The following CTTNBP2 variants were observed in gnomAD, a reference collection of about 807,000 sequenced individuals.
CTTNBP2 encodes the protein cortactin-binding protein 2.
A neutral mutation model predicts 156.9 loss-of-function variants in CTTNBP2; 108 were observed. The ratio of observed to expected loss-of-function variants is 0.69; its 90% confidence interval spans 0.59 to 0.81. The LOEUF is 0.81. CTTNBP2 is among the 30% of genes least tolerant of loss of function. The pLI is 0.00. For missense variants in CTTNBP2, 1,924 were observed against 2,035.4 expected, an observed-to-expected ratio of 0.95 and a Z score of 1.05; for synonymous variants, 767 against 751.8, an observed-to-expected ratio of 1.02 and a Z score of -0.33.
chr7:117,803,877 T>C (rs1291044729), intron 3 of CTTNBP2, among the ~76,000 whole-genome samples: 1 of 152,170 alleles, frequency 6.6e-6, no homozygotes, highest in East Asian at 1.9e-4. Context: ...CAAATCATGA[T>C]ACATGATTTT....
chr7:117,781,158 T>TA (rs932389906), intron 6 of CTTNBP2, among the ~76,000 whole-genome samples: 3 of 152,224 alleles, frequency 2.0e-5, no homozygotes, highest in Non-Finnish European at 4.4e-5. Context: ...AAAAGATAGC[T>TA]AAGCAGAAAC....
At position 117,792,441 on chromosome 7, in the gene CTTNBP2, G is replaced by A; in HGVS notation, c.755C>T (p.Thr252Ile). The A allele has an allele frequency of 1.2e-6, 2 of 1,614,162 alleles. No individual in the cohort carries two copies. Among genetic ancestry groups the A allele is most frequent in the Non-Finnish European group, 1.7e-6 (2 of 1,180,032 alleles). The change falls in exon 4 of 23, where the codon ACC becomes ATC. Residue 252 changes from threonine to isoleucine, a missense_variant. Physicochemically the swap from Thr to Ile is moderately conservative, Grantham distance 89 (BLOSUM62 -1). Transcript: ENST00000160373. The surrounding 1 kb of genome is among the most constrained non-coding windows in gnomAD (Gnocchi z 4.2). ...GTCTATCTCCTCTTTGAGGTCAGTG[G>A]TGTGTGCTTCTTCCCGGTTCAGCTT... The part of the protein sequence containing the change: ...RAKLNREEAH[T>I]TDLKEEIDKM...
At chr7:117,831,278 C>A (rs995112742) in intron 2 of CTTNBP2, among the ~76,000 whole-genome samples, 1 of 152,128 alleles carries the variant, frequency 6.6e-6, no homozygotes, top group Admixed American at 6.5e-5. Flanking sequence ...TTCATCATGA[C>A]TACACAAAGA....
intron 12 of CTTNBP2, among the ~76,000 whole-genome samples, chr7:117,752,765 T>G (rs1361099316): frequency 3.9e-5 from 6 of 152,236 alleles, no homozygotes; most frequent in Non-Finnish European, 8.8e-5. Flanking sequence ...TTTCAACTCC[T>G]TGGGTCCCAC....
At chr7:117,754,108 T>C (rs1022862121) in intron 12 of CTTNBP2, among the ~76,000 whole-genome samples, 1 of 152,180 alleles carries the variant, frequency 6.6e-6, no homozygotes, top group Non-Finnish European at 1.5e-5. Flanking sequence ...TCCTGCATGA[T>C]CTAGTTTCTG....
rs1448318996 is a variant in CTTNBP2 at position 117,741,658 on chromosome 7, C to T, written c.3535+4173G>A. Among the ~76,000 whole-genome samples the T allele has an allele frequency of 2.0e-5, 3 of 152,192 alleles. No homozygotes were observed. The East Asian group carries it at 5.8e-4, about 29-fold the overall frequency. ...TTTGGAGACGACATACCATTTCCTA[C>T]TCTTCCTTCTTTAACCTAGAGTGGA... On this transcript the variant is annotated intron_variant, in intron 14 of 22. Coordinates refer to ENST00000160373, the MANE Select transcript of CTTNBP2 (RefSeq NM_033427.3).
rs78411596 is a variant in CTTNBP2, at chr7:117,721,530, C to A, written c.4448-400G>T. On this transcript the variant is annotated intron_variant, in intron 19 of 22. Transcript: ENST00000160373. Reference sequence around the variant, plus strand: ...TTTGATGATGGTAATCACCCTTTCTCTACCTTTGTGTGCATTCTAACACTA... The same window carrying A: ...TTTGATGATGGTAATCACCCTTTCTATACCTTTGTGTGCATTCTAACACTA... Among the ~76,000 whole-genome samples the A allele has an allele frequency of 7.2e-3, 1,099 of 152,338 alleles. 24 individuals are homozygous for A. The South Asian group carries it at 0.091, about 13-fold the overall frequency.
intron 9 of CTTNBP2, among the ~76,000 whole-genome samples, chr7:117,761,772 GTA>G (rs928759894): frequency 6.6e-6 from 1 of 152,088 alleles, no homozygotes; most frequent in Non-Finnish European, 1.5e-5. Flanking sequence ...TCAAACAAGA[GTA>G]TGTGAAATTT....
intron 22 of CTTNBP2, chr7:117,712,489 C>T (rs1408684806): frequency 6.6e-6 from 1 of 152,192 alleles, no homozygotes; most frequent in African/African-American, 2.4e-5. Flanking sequence ...GGTATTTTCC[C>T]TATATTGCAT....
intron 2 of CTTNBP2, among the ~76,000 whole-genome samples, chr7:117,842,200 C>T (rs1428279160): frequency 6.6e-6 from 1 of 152,038 alleles, no homozygotes; most frequent in Non-Finnish European, 1.5e-5. Context: ...AAAACTGCTC[C>T]GAAAAAGTCT....
chr7:117,757,206 T>C (rs1250797171), intron 11 of CTTNBP2, among the ~76,000 whole-genome samples: 3 of 152,192 alleles, frequency 2.0e-5, no homozygotes, highest in Non-Finnish European at 2.9e-5. Flanking sequence ...TAGTTAAGAT[T>C]GAATTTTCAG....
At chr7:117,840,752 AG>A (rs1219182713) in intron 2 of CTTNBP2, among the ~76,000 whole-genome samples, 2 of 152,210 alleles carry the variant, frequency 1.3e-5, no homozygotes, top group East Asian at 3.9e-4. Flanking sequence ...GTTCTCCAGC[AG>A]AAAATCTGAA....
intron 3 of CTTNBP2, among the ~76,000 whole-genome samples, chr7:117,794,875 A>AGC (rs1563015542): frequency 2.2e-4 from 27 of 124,108 alleles, no homozygotes; most frequent in African/African-American, 8.9e-4. Context: ...TTATATGTAT[A>AGC]TCTTTTTTTT....
intron 8 of CTTNBP2, among the ~76,000 whole-genome samples, chr7:117,776,124 G>T (rs955605374): frequency 6.6e-6 from 1 of 152,146 alleles, no homozygotes; most frequent in Admixed American, 6.5e-5. Flanking sequence ...ACTGCATTCT[G>T]TCTTCTTGAT....
rs1470608657 is a variant in CTTNBP2 at position 117,719,514 on chromosome 7, T to A, written c.4634A>T (p.Asp1545Val). The change falls in exon 21 of 23, where the codon GAT becomes GTT. Residue 1545 changes from aspartate (D) to valine (V), a missense_variant. Physicochemically the swap from Asp to Val is radical, Grantham distance 152. Transcript: ENST00000160373. ...ATTTGTACTGCTCACCTTGCTGATA[T>A]CAGACTCAGACTTGCTGGAGCACAT... is the stretch of plus-strand genomic sequence containing the variant. ...QSMCSSKSES[D>V]ISKIADSRDD... is the part of the protein sequence containing the mutation. 1.2e-6 allele frequency: 2 copies of A among 1,613,750 alleles called. No individual in the cohort carries two copies. Among genetic ancestry groups the A allele is most frequent in the Admixed American group, 3.3e-5 (2 of 60,014 alleles).
At chr7:117,790,934 A>G (rs543030129) in intron 4 of CTTNBP2, among the ~76,000 whole-genome samples, 194 bp downstream of exon 4, 22 of 152,296 alleles carry the variant, frequency 1.4e-4, no homozygotes, top group South Asian at 1.2e-3. Context: ...ACCGCAATTC[A>G]TATAGCAAGA....
Position 117,734,988 on chromosome 7 carries a change from C to T in CTTNBP2, c.3801G>A (p.Trp1267Ter), listed in dbSNP as rs1457512928. ...GCTCGCCATCCCACCGCAGCTGCAC[C>T]CAGCGGAAATGCTGCTGCACCAGCA... ...SDLLVQQHFRWVQLRWDGEPM... is the reference protein window; with the variant it reads ...SDLLVQQHFR The change falls in exon 16 of 23, where the codon TGG becomes TGA. Residue 1267 changes from tryptophan (W) to a stop codon, truncating the protein, a stop_gained. Coordinates refer to ENST00000160373, the MANE Select transcript of CTTNBP2 (RefSeq NM_033427.3). LOFTEE classifies it high-confidence loss of function. 3 of 1,614,032 alleles carry T rather than the reference C, an allele frequency of 1.9e-6. No individual in the cohort carries two copies. Among genetic ancestry groups the T allele is most frequent in the Admixed American group, 1.7e-5 (1 of 60,006 alleles).
intron 2 of CTTNBP2, among the ~76,000 whole-genome samples, chr7:117,824,222 TA>T (rs1428047567): frequency 6.6e-6 from 1 of 152,134 alleles, no homozygotes; most frequent in Non-Finnish European, 1.5e-5. Flanking sequence ...TTTCTTACCT[TA>T]AAATACATAA....
chr7:117,740,685 G>C (rs1189643911), intron 14 of CTTNBP2, among the ~76,000 whole-genome samples: 1 of 152,122 alleles, frequency 6.6e-6, no homozygotes, highest in Non-Finnish European at 1.5e-5. Context: ...CCTCCATCCA[G>C]ATCTCTGACT....
Sources: allele counts gnomAD v4.1 joint callset (sites outside exome capture counted in the v4.1 genomes callset), GRCh38; gene constraint gnomAD v4.1.1; non-coding constraint Gnocchi (gnomAD v3.1); transcripts MANE v1.5; gene names NCBI Gene and HGNC (gene_info 2026-07-23, HGNC 2026-07-21).